The following RYR3 variants were observed in gnomAD, a reference collection of about 807,000 sequenced individuals.
The protein encoded by RYR3 is brain ryanodine receptor-calcium release channel.
In RYR3, 207 loss-of-function variants were observed where a neutral mutation model predicts 584.3. That is an observed-to-expected ratio of 0.35 (90% CI 0.32 to 0.40). The LOEUF is 0.40. Among genes scored for constraint, RYR3 ranks in the 10% least tolerant of loss-of-function variants. The pLI, the probability that RYR3 is intolerant of heterozygous loss-of-function variation, is 1.00. For synonymous variants in RYR3, 2,416 were observed against 2,248.5 expected (o/e 1.07, Z -2.11); for missense variants, 5,616 against 6,089.2 (o/e 0.92, Z 2.59).
intron 1 of RYR3, among the ~76,000 whole-genome samples, chr15:33,331,102 A>G (rs956999727): frequency 2.6e-5 from 4 of 152,178 alleles, no homozygotes; most frequent in African/African-American, 9.6e-5. Context: ...TTGAGAGAAT[A>G]TATTTTAAAG....
Position 33,559,413 on chromosome 15 carries a change from G to C in RYR3, c.973-3424G>C, listed in dbSNP as rs190005225. Among the ~76,000 whole-genome samples, 6 of 152,310 alleles carry C rather than the reference G, an allele frequency of 3.9e-5. No individual in the cohort carries two copies. The East Asian group carries it at 1.2e-3, about 29-fold the overall frequency. On this transcript the variant is annotated intron_variant, in intron 10 of 103. Transcript: ENST00000634891. ...TTATACTCACAGGTCCTAGCAACAG[G>C]AGACGTGCCACACCATGCAGGGTCA... is the stretch of plus-strand genomic sequence containing the variant.
At chr15:33,709,215 A>G (rs1309648227) in intron 43 of RYR3, among the ~76,000 whole-genome samples, 1 of 152,236 alleles carries the variant, frequency 6.6e-6, no homozygotes, top group Non-Finnish European at 1.5e-5. Flanking sequence ...GGGAGCAGAC[A>G]TGGACAGAGA....
chr15:33,427,075 G>A (rs1356473375), intron 1 of RYR3, among the ~76,000 whole-genome samples: 1 of 152,138 alleles, frequency 6.6e-6, no homozygotes, highest in Admixed American at 6.6e-5. Flanking sequence ...AGATGCAAAC[G>A]TTTAGTTCAT....
chr15:33,483,048 C>G (rs2142368636), intron 2 of RYR3, among the ~76,000 whole-genome samples: 1 of 152,102 alleles, frequency 6.6e-6, no homozygotes, highest in African/African-American at 2.4e-5. Context: ...TTTTAATGTA[C>G]ATGTGCTATT....
chr15:33,487,273 T>G (rs1024935849), intron 2 of RYR3, among the ~76,000 whole-genome samples: 1 of 150,918 alleles, frequency 6.6e-6, no homozygotes, highest in Non-Finnish European at 1.5e-5. Context: ...AGGGTTGGAA[T>G]GGGCAAAAGG....
intron 3 of RYR3, among the ~76,000 whole-genome samples, chr15:33,511,329 TAAA>T (rs34328973): frequency 1.2e-4 from 14 of 119,362 alleles, no homozygotes; most frequent in African/African-American, 3.1e-4. Flanking sequence ...TTTCTCTCTT[TAAA>T]AAAAAAAAAA....
chr15:33,652,820 G>T lies in RYR3; in HGVS notation c.4245G>T (p.Val1415=), dbSNP rs891617957. 3 of 1,613,806 alleles carry T rather than the reference G, an allele frequency of 1.9e-6. No individual in the cohort carries two copies. The highest frequency in any genetic ancestry group is 2.5e-6 in the Non-Finnish European group (3 of 1,179,850). The part of the protein sequence containing the change: ...SNVDLEIGCL[V]DLAMGMLSFS... Reference sequence around the variant, plus strand: ...TGGACCTGGAGATCGGCTGTCTCGTGGATCTGGCCATGGGCATGTTGTCCT... The same window carrying T: ...TGGACCTGGAGATCGGCTGTCTCGTTGATCTGGCCATGGGCATGTTGTCCT... The change falls in exon 32 of 104, where the codon GTG becomes GTT. Residue 1415 remains valine (V), a synonymous_variant. Coordinates refer to ENST00000634891, the MANE Select transcript of RYR3 (RefSeq NM_001036.6).
intron 18 of RYR3, among the ~76,000 whole-genome samples, chr15:33,605,998 A>G (rs1422000736): frequency 6.6e-6 from 1 of 152,310 alleles, no homozygotes; most frequent in Non-Finnish European, 1.5e-5. Flanking sequence ...CCTTGAACAT[A>G]CTGAAGTATG....
Position 33,696,291 on chromosome 15 carries a change from G to C in RYR3, c.5934G>C (p.Leu1978=). 6.2e-7 allele frequency: 1 copy of C among 1,613,780 alleles called. No individual in the cohort carries two copies. The highest frequency in any genetic ancestry group is 8.5e-7 in the Non-Finnish European group (1 of 1,179,814). ...AQEDQIQDSE[L]VRMMFNLLRR... is the part of the protein sequence containing the mutation. ...AGGACCAGATCCAGGATTCAGAGCTGGTCCGAATGATGTTCAACCTCCTCC... is the reference window on the plus strand; with the variant it reads ...AGGACCAGATCCAGGATTCAGAGCTCGTCCGAATGATGTTCAACCTCCTCC... The change falls in exon 39 of 104, where the codon CTG becomes CTC. Residue 1978 remains leucine (L), a synonymous_variant. Coordinates refer to ENST00000634891, the MANE Select transcript of RYR3 (RefSeq NM_001036.6).
At chr15:33,746,193 T>C (rs1321350090) in intron 53 of RYR3, 36 bp downstream of exon 53, 2 of 1,381,968 alleles carry the variant, frequency 1.4e-6, no homozygotes, top group South Asian at 1.2e-5. Context: ...TGTGTGACCA[T>C]GCTGTTTCCT....
At chr15:33,592,197 A>G (rs889604065) in intron 16 of RYR3, among the ~76,000 whole-genome samples, 3 of 152,184 alleles carry the variant, frequency 2.0e-5, no homozygotes, top group Admixed American at 1.3e-4. Context: ...TTTTTCTCAT[A>G]TGACTCTCCA....
At chr15:33,780,169 A>G (rs770423086) in intron 64 of RYR3, 42 bp from the exon 65 acceptor site, 10 of 1,604,124 alleles carry the variant, frequency 6.2e-6, no homozygotes, top group Non-Finnish European at 8.5e-6. Flanking sequence ...TGGGGCCAGC[A>G]TGTGGGGGGC....
At chr15:33,540,473 T>C (rs558246728) in intron 6 of RYR3, among the ~76,000 whole-genome samples, 62 of 152,206 alleles carry the variant, frequency 4.1e-4, no homozygotes, top group Admixed American at 8.5e-4. Context: ...AAGTGTTGGG[T>C]AATTTTTCCC....
intron 1 of RYR3, among the ~76,000 whole-genome samples, chr15:33,435,256 T>G (rs1482395496): frequency 6.6e-6 from 1 of 152,210 alleles, no homozygotes; most frequent in Non-Finnish European, 1.5e-5. Flanking sequence ...TTTTCCTGAT[T>G]CTCCAACCTC....
intron 38 of RYR3, among the ~76,000 whole-genome samples, chr15:33,671,538 G>A (rs572044382): frequency 6.6e-6 from 1 of 152,232 alleles, no homozygotes; most frequent in East Asian, 1.9e-4. Context: ...ATTTGTCATC[G>A]GAAGTATTGA....
At chr15:33,599,718 T>G (rs1209707552) in intron 16 of RYR3, among the ~76,000 whole-genome samples, 1 of 152,206 alleles carries the variant, frequency 6.6e-6, no homozygotes, top group African/African-American at 2.4e-5. Context: ...TATTTTCCTT[T>G]CACAAACCCA....
chr15:33,708,561 A>G (rs898703370), intron 43 of RYR3, among the ~76,000 whole-genome samples: 1 of 152,124 alleles, frequency 6.6e-6, no homozygotes, highest in African/African-American at 2.4e-5. Context: ...TTTTCAATAT[A>G]TTTTCTGCAC....
At chr15:33,794,134 T>C (rs796984070) in intron 67 of RYR3, among the ~76,000 whole-genome samples, 78 of 59,058 alleles carry the variant, frequency 1.3e-3, no homozygotes, top group South Asian at 4.2e-3. Flanking sequence ...TATATTTATA[T>C]ATAATATACA....
chr15:33,481,282 T>C lies in RYR3; in HGVS notation c.171+7744T>C, dbSNP rs562451056. Among the ~76,000 whole-genome samples the C allele has an allele frequency of 4.6e-5, 7 of 152,338 alleles. No homozygotes were observed. In the South Asian group the frequency reaches 1.4e-3, roughly 32 times the overall value. ...CCATTTTACAATCTCTGGTGTTTAA[T>C]TGGAATGTTTTATTCATTTACATTT... On this transcript the variant is annotated intron_variant, in intron 2 of 103. Transcript: ENST00000634891.
Sources: gnomAD v4.1 joint callset for allele counts (sites outside exome capture counted in the v4.1 genomes callset) on GRCh38, gnomAD v4.1.1 for gene constraint, MANE v1.5 for transcripts, NCBI Gene and HGNC (gene_info 2026-07-23, HGNC 2026-07-21) for gene names.